TMEM132D: variants seen among roughly 807,000 people sequenced by gnomAD.
The protein encoded by TMEM132D is transmembrane protein 132D.
TMEM132D carries 21 observed loss-of-function variants against 62.3 expected under a neutral mutation model. The observed-to-expected ratio is 0.34, with a 90% CI of 0.24 to 0.49. The LOEUF is 0.49. Ranked by LOEUF, TMEM132D falls within the 20% of genes least tolerant of loss-of-function variation. The pLI is 0.99. For missense variants in TMEM132D, 1,346 were observed against 1,402.8 expected (o/e 0.96, Z 0.65); for synonymous variants, 621 against 575.6 (o/e 1.08, Z -1.13).
intron 4 of TMEM132D, among the ~76,000 whole-genome samples, chr12:129,243,301 C>A (rs568982812): frequency 3.7e-4 from 57 of 152,100 alleles, no homozygotes; most frequent in Non-Finnish European, 7.1e-4. Context: ...CTATTTTACA[C>A]GAGGATTTTT....
chr12:129,714,353 C>T (rs953483257), intron 1 of TMEM132D, among the ~76,000 whole-genome samples: 35 of 152,216 alleles, frequency 2.3e-4, no homozygotes, highest in Non-Finnish European at 4.6e-4. Context: ...GCAGACCCCC[C>T]TTTAACGGGT....
In TMEM132D at chr12:129,120,907, A is replaced by G. The variant is rs367865832; in HGVS notation, c.1444-36205T>C. ...GTTTCCCGGTAAAATGCTAAAGAGT[A>G]AAATAAAAATGCTGATAAAAAACAA... On this transcript the variant is annotated intron_variant, in intron 5 of 8. Coordinates refer to ENST00000422113, the MANE Select transcript of TMEM132D (RefSeq NM_133448.3). Among the ~76,000 whole-genome samples, 36 of 152,098 alleles carry G rather than the reference A, an allele frequency of 2.4e-4. No individual in the cohort carries two copies. In the South Asian group the frequency reaches 3.5e-3, roughly 15 times the overall value.
intron 4 of TMEM132D, among the ~76,000 whole-genome samples, chr12:129,261,988 G>A (rs1880561030): frequency 6.6e-6 from 1 of 152,128 alleles, no homozygotes; most frequent in Non-Finnish European, 1.5e-5. Context: ...ATTCAGGAGA[G>A]AGGGAGAAAT....
intron 2 of TMEM132D, among the ~76,000 whole-genome samples, chr12:129,664,435 T>TC (rs1880321621): frequency 6.7e-6 from 1 of 149,852 alleles, no homozygotes; most frequent in Non-Finnish European, 1.5e-5. Flanking sequence ...TTTTTTTTTT[T>TC]TTTTTTTGAG....
At chr12:129,814,081 G>A (rs1049063353) in intron 1 of TMEM132D, among the ~76,000 whole-genome samples, 1 of 152,246 alleles carries the variant, frequency 6.6e-6, no homozygotes, top group South Asian at 2.1e-4. Context: ...TGGTCCCTAT[G>A]TTAAGTGAAA....
intron 2 of TMEM132D, among the ~76,000 whole-genome samples, chr12:129,658,864 G>T (rs750809733): frequency 2.0e-5 from 3 of 152,106 alleles, no homozygotes; most frequent in Admixed American, 1.3e-4. Flanking sequence ...AGAGGCCAAA[G>T]AGCACCAAGG....
intron 1 of TMEM132D, among the ~76,000 whole-genome samples, chr12:129,855,118 G>GGGTGCCCTTATAACAGAGTCC (rs1566009819): frequency 3.9e-5 from 5 of 129,548 alleles, no homozygotes; most frequent in Admixed American, 7.4e-5. Context: ...GGAACGGGAT[G>GGGTGCCCTTATAACAGAGTCC]GCTGCCCTTG....
At chr12:129,394,536 A>T (rs1438060122) in intron 3 of TMEM132D, among the ~76,000 whole-genome samples, 1 of 152,222 alleles carries the variant, frequency 6.6e-6, no homozygotes. Context: ...TGTGAGAGGT[A>T]GAATAAAGAA....
chr12:129,580,249 C>T (rs1158643855), intron 2 of TMEM132D, among the ~76,000 whole-genome samples: 1 of 152,190 alleles, frequency 6.6e-6, no homozygotes, highest in Non-Finnish European at 1.5e-5. Context: ...GAAAATAAGA[C>T]ACACAGCCTA....
intron 3 of TMEM132D, among the ~76,000 whole-genome samples, chr12:129,459,543 A>G (rs1873590070): frequency 6.6e-6 from 1 of 152,150 alleles, no homozygotes; most frequent in African/African-American, 2.4e-5. Flanking sequence ...TTGAACAATG[A>G]CAAAAGTGTG....
intron 2 of TMEM132D, among the ~76,000 whole-genome samples, chr12:129,544,962 C>T (rs1298856370): frequency 2.6e-5 from 4 of 152,182 alleles, no homozygotes; most frequent in Non-Finnish European, 5.9e-5. Flanking sequence ...TTACAACAGC[C>T]GCATCCCTAA....
At chr12:129,523,487 G>A (rs1875918571) in intron 3 of TMEM132D, among the ~76,000 whole-genome samples, 1 of 152,210 alleles carries the variant, frequency 6.6e-6, no homozygotes, top group African/African-American at 2.4e-5. Flanking sequence ...AAGAGAAGCA[G>A]TCGGTATTTT....
At chr12:129,643,006 C>T (rs1226860598) in intron 2 of TMEM132D, among the ~76,000 whole-genome samples, 1 of 146,464 alleles carries the variant, frequency 6.8e-6, no homozygotes, top group South Asian at 2.2e-4. Flanking sequence ...CTCACTGCAA[C>T]CTCTGCCTCC....
intron 5 of TMEM132D, among the ~76,000 whole-genome samples, chr12:129,156,791 T>A (rs1454527796): frequency 1.3e-5 from 2 of 152,024 alleles, no homozygotes; most frequent in Non-Finnish European, 1.5e-5. Context: ...CTCACTCCCA[T>A]GATAACTCAC....
chr12:129,427,646 T>C (rs1872536548), intron 3 of TMEM132D, among the ~76,000 whole-genome samples: 1 of 152,104 alleles, frequency 6.6e-6, no homozygotes, highest in Non-Finnish European at 1.5e-5. Flanking sequence ...TCCCAGTTTT[T>C]GTTAGTAAAA....
At chr12:129,811,569 C>T (rs922214235) in intron 1 of TMEM132D, among the ~76,000 whole-genome samples, 2 of 151,762 alleles carry the variant, frequency 1.3e-5, no homozygotes, top group South Asian at 2.1e-4. Flanking sequence ...AGGGCCTGTG[C>T]GTACAAAGAT....
At chr12:129,781,072 G>A (rs192585771) in intron 1 of TMEM132D, among the ~76,000 whole-genome samples, 182 of 152,302 alleles carry the variant, frequency 1.2e-3, no homozygotes, top group South Asian at 2.3e-3. Context: ...GAATGACAAG[G>A]AGTTATGCCA....
Position 129,074,376 on chromosome 12 carries a change from G to T in TMEM132D, c.2799C>A (p.Val933=), listed in dbSNP as rs1874178608. The T allele has an allele frequency of 6.2e-7, 1 of 1,613,888 alleles. No homozygotes were observed. The highest frequency in any genetic ancestry group is 1.3e-5 in the African/African-American group (1 of 74,846). The part of the protein sequence containing the change: ...LLGVFCLAIL[V]FLINCVTFAL... Reference sequence around the variant, plus strand: ...CAAAGGTCACACAGTTTATCAAGAAGACCAAAATGGCCAAACAGAAGACTC... The same window carrying T: ...CAAAGGTCACACAGTTTATCAAGAATACCAAAATGGCCAAACAGAAGACTC... Residue 933 remains valine (V), a synonymous_variant, in exon 9 of 9, where the codon GTC becomes GTA. Coordinates refer to ENST00000422113, the MANE Select transcript of TMEM132D (RefSeq NM_133448.3).
intron 1 of TMEM132D, among the ~76,000 whole-genome samples, chr12:129,746,555 A>G (rs1400337374): frequency 6.6e-6 from 1 of 152,170 alleles, no homozygotes; most frequent in Non-Finnish European, 1.5e-5. Flanking sequence ...GCTTTGTAGC[A>G]CTGAACAAAG....
Sources: gnomAD v4.1 joint callset for allele counts (sites outside exome capture counted in the v4.1 genomes callset) on GRCh38, gnomAD v4.1.1 for gene constraint, MANE v1.5 for transcripts, NCBI Gene and HGNC (gene_info 2026-07-23, HGNC 2026-07-21) for gene names.